BZW2: variants seen among roughly 807,000 people sequenced by gnomAD.
BZW2 encodes the protein basic leucine zipper and W2 domains 2, also known as eIF5-mimic protein 1.
Under a neutral mutation model 53.2 loss-of-function variants are expected in BZW2, and 23 were observed. That is an observed-to-expected ratio of 0.43 (90% confidence interval 0.31 to 0.61). BZW2 has a LOEUF of 0.61. Among genes scored for constraint, BZW2 ranks in the 20% least tolerant of loss-of-function variants. The probability of loss-of-function intolerance (pLI) is 0.09; values close to 1 mark genes in which losing one functional copy is unlikely to be tolerated. For missense variants in BZW2, 409 were observed against 503.1 expected, an observed-to-expected ratio of 0.81 and a Z score of 1.79; for synonymous variants, 227 against 186.4, an observed-to-expected ratio of 1.22 and a Z score of -1.77.
chr7:16,659,957 C>G lies in BZW2; in HGVS notation c.-7-5480C>G, dbSNP rs189944849. Among the ~76,000 whole-genome samples, 33 of 152,010 alleles carry G rather than the reference C, an allele frequency of 2.2e-4. No homozygotes were observed. The East Asian group carries it at 6.4e-3, about 29-fold the overall frequency. On this transcript the variant is annotated intron_variant, in intron 1 of 11. Coordinates refer to ENST00000258761, the MANE Select transcript of BZW2 (RefSeq NM_014038.3). Reference sequence around the variant, plus strand: ...TGTTGGTGTGCTGCACCCATTAACTCGTCATTAACATTAGGTATATCTCCC... The same window carrying G: ...TGTTGGTGTGCTGCACCCATTAACTGGTCATTAACATTAGGTATATCTCCC...
intron 8 of BZW2, 150 bp from the exon 9 acceptor site, chr7:16,696,765 C>T: frequency 1.3e-6 from 1 of 789,504 alleles, no homozygotes. Context: ...TTTTCTCCCT[C>T]TTCCAGTCTG....
At chr7:16,665,325 A>G (rs1266241911) in intron 1 of BZW2, 112 bp from the exon 2 acceptor site, 12 of 1,251,454 alleles carry the variant, frequency 9.6e-6, no homozygotes, top group African/African-American at 3.0e-5. Context: ...AAAAAGAGGC[A>G]TATTCAGTAA....
chr7:16,672,988 C>G (rs979181833), intron 2 of BZW2, among the ~76,000 whole-genome samples: 1 of 152,012 alleles, frequency 6.6e-6, no homozygotes, highest in Admixed American at 6.6e-5. Flanking sequence ...CTCTGTCACC[C>G]AGGCTGGAGT....
intron 3 of BZW2, among the ~76,000 whole-genome samples, chr7:16,680,200 C>T (rs1782896455): frequency 6.6e-6 from 1 of 152,064 alleles, no homozygotes; most frequent in Non-Finnish European, 1.5e-5. Context: ...CTGGTCAGTT[C>T]TGTAGTTGGT....
chr7:16,666,132 T>C (rs1486129769), intron 2 of BZW2, among the ~76,000 whole-genome samples: 1 of 152,144 alleles, frequency 6.6e-6, no homozygotes, highest in Non-Finnish European at 1.5e-5. Flanking sequence ...TCTTGCACTG[T>C]CACCCAGGTT....
intron 1 of BZW2, among the ~76,000 whole-genome samples, chr7:16,647,586 T>A (rs1016112742): frequency 3.9e-5 from 6 of 152,236 alleles, no homozygotes; most frequent in African/African-American, 1.4e-4. Flanking sequence ...TGAAAATGGT[T>A]TGAAATTATT....
At chr7:16,699,394 G>C (rs1783601053) in intron 10 of BZW2, among the ~76,000 whole-genome samples, 1 of 152,160 alleles carries the variant, frequency 6.6e-6, no homozygotes, top group South Asian at 2.1e-4. Context: ...ATGGTACCCA[G>C]CAGCCAAGAA....
intron 6 of BZW2, among the ~76,000 whole-genome samples, 200 bp from the exon 7 acceptor site, chr7:16,689,597 A>G (rs1462656055): frequency 6.6e-6 from 1 of 152,208 alleles, no homozygotes; most frequent in Non-Finnish European, 1.5e-5. Flanking sequence ...AAATATTTTA[A>G]TTTATTTTCC....
intron 2 of BZW2, among the ~76,000 whole-genome samples, chr7:16,666,273 AT>A (rs1396036188): frequency 6.6e-6 from 1 of 150,960 alleles, no homozygotes; most frequent in African/African-American, 2.4e-5. Flanking sequence ...TTTTAAAAAA[AT>A]TTTTTTGTAG....
intron 2 of BZW2, among the ~76,000 whole-genome samples, chr7:16,674,132 T>C (rs696280): frequency 0.13 from 19,578 of 152,146 alleles, 3,679 homozygotes; most frequent in African/African-American, 0.41. Flanking sequence ...ATTCCTGACC[T>C]CTGGTGATCC....
intron 3 of BZW2, among the ~76,000 whole-genome samples, chr7:16,680,533 A>G (rs1474390349): frequency 1.3e-5 from 2 of 152,198 alleles, no homozygotes; most frequent in African/African-American, 4.8e-5. Context: ...GGCCAACTAC[A>G]GTGGCTTACG....
At chr7:16,648,330 C>G (rs931334738) in intron 1 of BZW2, among the ~76,000 whole-genome samples, 1 of 152,146 alleles carries the variant, frequency 6.6e-6, no homozygotes, top group African/African-American at 2.4e-5. Context: ...GTTATGACAA[C>G]CCAGGAATGA....
chr7:16,685,940 G>A lies in BZW2; in HGVS notation c.441G>A (p.Glu147=). Residue 147 remains glutamate (E), a synonymous_variant, in exon 6 of 12, where the codon GAG becomes GAA. Transcript: ENST00000258761. ...LLFLKAFSET[E]QTKLAMLSGI... ...TCCTTAAAGCCTTTTCCGAAACAGA[G>A]CAGACAAAGTTGGCGATGCTGTCGG... The A allele has an allele frequency of 1.9e-6, 3 of 1,554,042 alleles. No homozygotes were observed. Among genetic ancestry groups the A allele is most frequent in the Admixed American group, 2.0e-5 (1 of 50,404 alleles).
intron 2 of BZW2, among the ~76,000 whole-genome samples, chr7:16,666,924 T>G (rs6946352): frequency 0.064 from 9,682 of 151,994 alleles, 366 homozygotes; most frequent in African/African-American, 0.1. Flanking sequence ...CAAGAATATT[T>G]TAAACATGAT....
chr7:16,697,652 T>C (rs1214704664), intron 9 of BZW2, among the ~76,000 whole-genome samples: 1 of 152,194 alleles, frequency 6.6e-6, no homozygotes, highest in Admixed American at 6.5e-5. Context: ...ATGCTTTTTA[T>C]CCCAGCAGCT....
At chr7:16,693,343 A>G (rs569887808) in intron 7 of BZW2, among the ~76,000 whole-genome samples, 31 of 152,348 alleles carry the variant, frequency 2.0e-4, no homozygotes, top group Admixed American at 4.6e-4. Context: ...TCAATGTATT[A>G]TATACTATTC....
chr7:16,702,431 G>A (rs773054516), intron 10 of BZW2, among the ~76,000 whole-genome samples: 1 of 152,120 alleles, frequency 6.6e-6, no homozygotes, highest in Non-Finnish European at 1.5e-5. Context: ...CCGTTAATAT[G>A]TAGACTTATT....
At chr7:16,681,838 C>A (rs1380957701) in intron 4 of BZW2, among the ~76,000 whole-genome samples, 1 of 151,938 alleles carries the variant, frequency 6.6e-6, no homozygotes, top group Non-Finnish European at 1.5e-5. Flanking sequence ...CAAAACAAAA[C>A]AAAAAGAACT....
chr7:16,685,099 T>C (rs764514546), intron 5 of BZW2, among the ~76,000 whole-genome samples: 4 of 152,152 alleles, frequency 2.6e-5, no homozygotes, highest in Non-Finnish European at 4.4e-5. Context: ...AACAGTAGAA[T>C]GTAGTCAAAG....
Sources: allele counts gnomAD v4.1 joint callset (sites outside exome capture counted in the v4.1 genomes callset), GRCh38; gene constraint gnomAD v4.1.1; transcripts MANE v1.5; gene names NCBI Gene and HGNC (gene_info 2026-07-23, HGNC 2026-07-21).